TNRC18: variants seen among roughly 807,000 people sequenced by gnomAD.
TNRC18 encodes trinucleotide repeat-containing gene 18 protein.
In TNRC18, 69 loss-of-function variants were observed where a neutral mutation model predicts 226.7. That is an observed-to-expected ratio of 0.30 (90% confidence interval 0.25 to 0.37). The LOEUF is 0.37. Among genes scored for constraint, TNRC18 ranks in the 10% least tolerant of loss-of-function variants. The probability of loss-of-function intolerance (pLI) is 1.00; values close to 1 mark genes in which losing one functional copy is unlikely to be tolerated. For missense variants in TNRC18, 4,754 were observed against 4,256.6 expected (o/e 1.12, Z -3.25); for synonymous variants, 2,449 against 1,927.6 (o/e 1.27, Z -7.09).
In TNRC18 at chr7:5,309,761, C is replaced by T. The variant is rs372991198; in HGVS notation, c.8389-393G>A. Among the ~76,000 whole-genome samples the T allele has an allele frequency of 6.6e-6, 1 of 152,174 alleles. No homozygotes were observed. Among genetic ancestry groups the T allele is most frequent in the Non-Finnish European group, 1.5e-5 (1 of 68,038 alleles). ...TGAGAATACAGGCGCACACCACGCCCGGCTAATTTTGATTATTTTTGTAGA... is the reference window on the plus strand; with the variant it reads ...TGAGAATACAGGCGCACACCACGCCTGGCTAATTTTGATTATTTTTGTAGA... On this transcript the variant is annotated intron_variant, in intron 27 of 29. Transcript: ENST00000430969. The surrounding 1 kb of genome is among the most constrained non-coding windows in gnomAD (Gnocchi z 5.7).
At chr7:5,328,700 C>T (rs1480702827) in intron 19 of TNRC18, among the ~76,000 whole-genome samples, 7 of 151,862 alleles carry the variant, frequency 4.6e-5, no homozygotes, top group African/African-American at 7.2e-5. Flanking sequence ...TTAGTAGAGG[C>T]GGGGTTTCAC....
intron 16 of TNRC18, among the ~76,000 whole-genome samples, chr7:5,355,091 T>G (rs61056534): frequency 0.18 from 26,670 of 152,078 alleles, 2,488 homozygotes; most frequent in African/African-American, 0.2. Flanking sequence ...GACACTGACA[T>G]GGGCCAGAAC....
chr7:5,420,328 C>A (rs967533482), intron 2 of TNRC18: 3 of 454,302 alleles, frequency 6.6e-6, no homozygotes, highest in African/African-American at 6.0e-5. Flanking sequence ...TCTCTTCTTT[C>A]CCCCTAGGTT....
At position 5,388,707 on chromosome 7, in the gene TNRC18, T is replaced by C. The variant is rs1780020356; in HGVS notation, c.1117A>G (p.Thr373Ala). ...QGREHRVVAP[T>A]FVPSVEAFDE... ...AAGGCCTCCACGGAAGGCACGAAGG[T>C]GGGCGCCACCACGCGGTGCTCACGG... The change falls in exon 5 of 30, where the codon ACC becomes GCC. Residue 373 changes from threonine to alanine, a missense_variant. Transcript: ENST00000430969. The C allele has an allele frequency of 1.9e-5, 24 of 1,261,358 alleles. No homozygotes were observed. The highest frequency in any genetic ancestry group is 2.4e-5 in the Non-Finnish European group (24 of 1,001,368). The allele number at this position is 1,261,358 out of a possible 1,614,324, so 78.1% of individuals were successfully genotyped here. A position where few individuals can be genotyped will look rare whatever the true frequency, so the allele number is the denominator to read the frequency against.
intron 29 of TNRC18, among the ~76,000 whole-genome samples, chr7:5,308,545 G>C (rs1255537861): frequency 2.0e-5 from 3 of 152,198 alleles, no homozygotes; most frequent in East Asian, 3.8e-4. Context: ...CAAAGACGCA[G>C]AGAGACAGAG....
rs559278983 is a variant in TNRC18, at chr7:5,380,557, G to A, written c.2153-2533C>T. Among the ~76,000 whole-genome samples the A allele has an allele frequency of 2.4e-4, 37 of 152,326 alleles. No homozygotes were observed. The South Asian group carries it at 5.6e-3, about 23-fold the overall frequency. On this transcript the variant is annotated intron_variant, in intron 5 of 29. Transcript: ENST00000430969. Reference sequence around the variant, plus strand: ...GGACCGAGTGTACGGAGGGACAGCCGGGCAGCCCGGCACGGGGAGAAGCGT... The same window carrying A: ...GGACCGAGTGTACGGAGGGACAGCCAGGCAGCCCGGCACGGGGAGAAGCGT...
Position 5,307,811 on chromosome 7 carries a change from T to C in TNRC18, c.*295A>G, listed in dbSNP as rs1583702146. On this transcript the variant is annotated 3_prime_UTR_variant, in exon 30 of 30. Coordinates refer to ENST00000430969, the MANE Select transcript of TNRC18 (RefSeq NM_001080495.3). ...CTGGAGGGCCGGCCTGGCCAAGTGC[T>C]TGCAACGTGCTGGGCAGGAAGGGCC... is the stretch of plus-strand genomic sequence containing the variant. The C allele has an allele frequency of 2.2e-6, 1 of 463,500 alleles. No individual in the cohort carries two copies. Among genetic ancestry groups the C allele is most frequent in the Non-Finnish European group, 4.0e-6 (1 of 249,718 alleles). 28.7% of individuals were successfully genotyped at this position (463,500 alleles called of 1,614,324 possible). A position where few individuals can be genotyped will look rare whatever the true frequency, so the allele number is the denominator to read the frequency against.
At chr7:5,326,863 G>A (rs1213914297) in intron 19 of TNRC18, among the ~76,000 whole-genome samples, 1 of 151,526 alleles carries the variant, frequency 6.6e-6, no homozygotes, top group Non-Finnish European at 1.5e-5. Flanking sequence ...AGTGGCTCCT[G>A]CCTGTAATCC....
At chr7:5,355,479 T>A (rs1792265616) in intron 16 of TNRC18, among the ~76,000 whole-genome samples, 1 of 152,080 alleles carries the variant, frequency 6.6e-6, no homozygotes, top group South Asian at 2.1e-4. Flanking sequence ...ATAAAAATAG[T>A]AGTAGTGTGC....
chr7:5,371,379 G>A lies in TNRC18; in HGVS notation c.3230-15C>T, dbSNP rs776844009. ...GGGCGGGATATCTGCCAAGGACACA[G>A]GGGTCAGCATGGGAGCCCTAGGATC... is the stretch of plus-strand genomic sequence containing the variant. On this transcript the variant is annotated splice_polypyrimidine_tract_variant and intron_variant, in intron 10 of 29. Transcript: ENST00000430969. 4 of 1,498,854 alleles carry A rather than the reference G, an allele frequency of 2.7e-6. No individual in the cohort carries two copies. The Admixed American group carries it at 6.8e-5, about 25-fold the overall frequency. The allele number at this position is 1,498,854 out of a possible 1,614,324, so 92.8% of individuals were successfully genotyped here. A position where few individuals can be genotyped will look rare whatever the true frequency, so the allele number is the denominator to read the frequency against.
At chr7:5,354,887 T>C (rs1293203576) in intron 16 of TNRC18, among the ~76,000 whole-genome samples, 3 of 152,254 alleles carry the variant, frequency 2.0e-5, no homozygotes, top group African/African-American at 7.2e-5. Flanking sequence ...CACTTTTTAT[T>C]TCCTTAAGAA....
intron 14 of TNRC18, among the ~76,000 whole-genome samples, chr7:5,361,020 G>C (rs1792985151): frequency 6.6e-6 from 1 of 152,194 alleles, no homozygotes; most frequent in South Asian, 2.1e-4. Flanking sequence ...CCGAGGGAAG[G>C]ACGAAGCATC....
At chr7:5,404,758 C>A (rs1781349780) in intron 2 of TNRC18, among the ~76,000 whole-genome samples, 1 of 125,266 alleles carries the variant, frequency 8.0e-6, no homozygotes, top group East Asian at 2.1e-4. Context: ...CGCATGCACA[C>A]TTTCAGTGTG....
intron 18 of TNRC18, 45 bp downstream of exon 18, chr7:5,345,517 G>GGGGGGCGCCCCCC: frequency 2.6e-6 from 1 of 377,744 alleles, no homozygotes; most frequent in Non-Finnish European, 4.8e-6. Flanking sequence ...AATGGCGTCC[G>GGGGGGCGCCCCCC]CCCCTCCCAC....
chr7:5,388,770 T>G lies in TNRC18; in HGVS notation c.1054A>C (p.Thr352Pro), dbSNP rs1021352767. 8.5e-6 allele frequency: 10 copies of G among 1,181,150 alleles called. No homozygotes were observed. In the East Asian group the frequency reaches 1.3e-4, roughly 16 times the overall value. The allele number at this position is 1,181,150 out of a possible 1,614,324, so 73.2% of individuals were successfully genotyped here. A position where few individuals can be genotyped will look rare whatever the true frequency, so the allele number is the denominator to read the frequency against. The change falls in exon 5 of 30, where the codon ACC (threonine) becomes CCC (proline). Residue 352 changes from threonine to proline, a missense_variant. Thr to Pro is a conservative substitution (Grantham distance 38). Coordinates refer to ENST00000430969, the MANE Select transcript of TNRC18 (RefSeq NM_001080495.3). ...PKGPPAPPAA[T>P]PAGVYTVFRE... Reference sequence around the variant, plus strand: ...AAGACGGTGTAGACGCCGGCGGGGGTGGCCGCGGGGGGTGCAGGAGGCCCC... The same window carrying G: ...AAGACGGTGTAGACGCCGGCGGGGGGGGCCGCGGGGGGTGCAGGAGGCCCC...
chr7:5,416,364 G>A lies in TNRC18; in HGVS notation c.187+4696C>T, dbSNP rs1012992764. On this transcript the variant is annotated intron_variant, in intron 2 of 29. Coordinates refer to ENST00000430969, the MANE Select transcript of TNRC18 (RefSeq NM_001080495.3). The stretch of plus-strand genomic sequence containing the variant: ...CGGGAGGCAGAGCTTGCAGTGAGCC[G>A]AGATGGAGCCACTGCACTCCAGCCT... Among the ~76,000 whole-genome samples the A allele has an allele frequency of 2.0e-5, 3 of 149,408 alleles. No homozygotes were observed. In the South Asian group the frequency reaches 6.4e-4, roughly 32 times the overall value.
In TNRC18 at chr7:5,376,025, C is replaced by G; in HGVS notation, c.2799+9G>C. Reference sequence around the variant, plus strand: ...CAGAGGGAGCTGCGCCTCATCCTCCCCGACTTACCACGAGCTGGGCGCTCC... The same window carrying G: ...CAGAGGGAGCTGCGCCTCATCCTCCGCGACTTACCACGAGCTGGGCGCTCC... On this transcript the variant is annotated intron_variant, in intron 9 of 29. Transcript: ENST00000430969. 1.3e-6 allele frequency: 2 copies of G among 1,584,994 alleles called. No homozygotes were observed. Among genetic ancestry groups the G allele is most frequent in the South Asian group, 1.2e-5 (1 of 86,828 alleles).
intron 10 of TNRC18, among the ~76,000 whole-genome samples, chr7:5,372,312 C>T (rs1427391614): frequency 2.6e-5 from 4 of 151,192 alleles, no homozygotes; most frequent in East Asian, 1.9e-4. Flanking sequence ...CTCCTGACCT[C>T]GTGATCCGCC....
intron 8 of TNRC18, 31 bp downstream of exon 8, chr7:5,376,816 C>T: frequency 6.2e-7 from 1 of 1,602,090 alleles, no homozygotes; most frequent in East Asian, 2.3e-5. Context: ...GCCAGTCTGG[C>T]CCATGGTGGC....
Sources: gnomAD v4.1 joint callset for allele counts (sites outside exome capture counted in the v4.1 genomes callset) on GRCh38, gnomAD v4.1.1 for gene constraint, Gnocchi (gnomAD v3.1) non-coding constraint, MANE v1.5 for transcripts, NCBI Gene and HGNC (gene_info 2026-07-23, HGNC 2026-07-21) for gene names.